The following ZNF610 variants were observed in gnomAD, a reference collection of about 807,000 sequenced individuals.
The protein encoded by ZNF610 is zink finger protein.
Under a neutral mutation model 14.1 loss-of-function variants are expected in ZNF610, and 14 were observed. The ratio of observed to expected loss-of-function variants is 0.99; its 90% confidence interval spans 0.65 to 1.55. The LOEUF is 1.55. ZNF610 is among the 40% of genes most tolerant of loss of function. The pLI, the probability that ZNF610 is intolerant of heterozygous loss-of-function variation, is 0.00. For missense variants in ZNF610, 530 were observed against 558.0 expected (o/e 0.95, Z 0.51); for synonymous variants, 185 against 187.6 (o/e 0.99, Z 0.11).
At chr19:52,345,510 G>A (rs910386715) in intron 1 of ZNF610, 15 of 151,864 alleles carry the variant, frequency 9.9e-5, no homozygotes, top group African/African-American at 3.6e-4. Context: ...CGAATAAGTG[G>A]TTGGAACTGA....
At chr19:52,350,932 G>A (rs971799485) in intron 3 of ZNF610, among the ~76,000 whole-genome samples, 4 of 152,032 alleles carry the variant, frequency 2.6e-5, no homozygotes, top group Non-Finnish European at 5.9e-5. Flanking sequence ...CCCGGGAGGT[G>A]GAGGCTGCAG....
chr19:52,342,148 G>A (rs1984716793), intron 1 of ZNF610, among the ~76,000 whole-genome samples: 1 of 152,104 alleles, frequency 6.6e-6, no homozygotes, highest in Admixed American at 6.6e-5. Context: ...TTGCTGTGTT[G>A]TCCAGACTGG....
chr19:52,331,054 C>T, the ZNF610 span, among the ~76,000 whole-genome samples: 5 of 152,184 alleles, frequency 3.3e-5, no homozygotes, highest in African/African-American at 4.8e-5. Flanking sequence ...CCCAACTCCA[C>T]AAATGCAGGC....
chr19:52,346,848 G>A (rs1984985294), intron 1 of ZNF610, among the ~76,000 whole-genome samples: 1 of 152,016 alleles, frequency 6.6e-6, no homozygotes, highest in Non-Finnish European at 1.5e-5. Flanking sequence ...TCCTGCCTCG[G>A]CCTCCTGAGT....
chr19:52,366,679 G>C lies in ZNF610; in HGVS notation c.1301G>C (p.Gly434Ala). 6.2e-7 allele frequency: 1 copy of C among 1,614,224 alleles called. No homozygotes were observed. The highest frequency in any genetic ancestry group is 1.7e-5 in the Admixed American group (1 of 60,030). ...GERPYKCNAC[G>A]KVFNQNPHLS... ...AGACCTTACAAGTGTAATGCATGTG[G>C]CAAGGTCTTCAATCAAAATCCACAC... The change falls in exon 6 of 6, where the codon GGC (glycine) becomes GCC (alanine). Residue 434 changes from glycine to alanine, a missense_variant. Coordinates refer to ENST00000403906, the MANE Select transcript of ZNF610 (RefSeq NM_001161425.2).
intron 1 of ZNF610, among the ~76,000 whole-genome samples, chr19:52,337,866 G>C (rs992808480): frequency 1.3e-5 from 2 of 152,314 alleles, no homozygotes; most frequent in African/African-American, 2.4e-5. Context: ...CACAATCCCT[G>C]TTCAGCCAGA....
intron 3 of ZNF610, among the ~76,000 whole-genome samples, chr19:52,351,346 C>T (rs1337291081): frequency 6.6e-6 from 1 of 152,046 alleles, no homozygotes; most frequent in East Asian, 1.9e-4. Flanking sequence ...ATCCCAGCTA[C>T]TTGGGAGGCT....
At chr19:52,332,920 C>G (rs1026226185), upstream of ZNF610, among the ~76,000 whole-genome samples, 1 of 152,168 alleles carries the variant, frequency 6.6e-6, no homozygotes, top group African/African-American at 2.4e-5. The surrounding 1 kb of genome is among the most constrained non-coding windows in gnomAD (Gnocchi z 4.1). Context: ...CCAATAAAAT[C>G]TTTAATGTTA....
chr19:52,332,979 A>G (rs140219840), upstream of ZNF610, among the ~76,000 whole-genome samples: 207 of 152,290 alleles, frequency 1.4e-3, 1 homozygote, highest in African/African-American at 4.7e-3. The surrounding 1 kb of genome is among the most constrained non-coding windows in gnomAD (Gnocchi z 4.1). Context: ...AGAAGAGCCT[A>G]AAAAGAGGAA....
intron 3 of ZNF610, among the ~76,000 whole-genome samples, chr19:52,350,220 T>C (rs1568649203): frequency 6.6e-6 from 1 of 152,214 alleles, no homozygotes; most frequent in Non-Finnish European, 1.5e-5. Flanking sequence ...AAATTATGTA[T>C]ATATTTGTTT....
At chr19:52,334,820 T>C (rs977698070), upstream of ZNF610, among the ~76,000 whole-genome samples, 8 of 151,652 alleles carry the variant, frequency 5.3e-5, no homozygotes, top group African/African-American at 1.9e-4. Context: ...CCCCAGCTAC[T>C]TGGGAGGCTG....
chr19:52,358,098 A>T (rs1162067137), intron 5 of ZNF610, among the ~76,000 whole-genome samples: 2 of 152,174 alleles, frequency 1.3e-5, no homozygotes, highest in Admixed American at 1.3e-4. Flanking sequence ...TGACTGGCTT[A>T]TTTCACTTAC....
intron 1 of ZNF610, among the ~76,000 whole-genome samples, chr19:52,340,263 A>T (rs550941116): frequency 2.0e-5 from 3 of 152,236 alleles, no homozygotes; most frequent in Admixed American, 6.5e-5. Flanking sequence ...TTGTGCCTGT[A>T]ATCCCAGCTA....
intron 2 of ZNF610, among the ~76,000 whole-genome samples, chr19:52,348,760 G>C (rs765574040): frequency 6.6e-6 from 1 of 152,132 alleles, no homozygotes; most frequent in African/African-American, 2.4e-5. Flanking sequence ...AGTGTGTTCT[G>C]TCTCTGGCGC....
At chr19:52,348,311 A>C (rs1286363122) in intron 2 of ZNF610, 1 of 152,194 alleles carries the variant, frequency 6.6e-6, no homozygotes, top group Non-Finnish European at 1.5e-5. Flanking sequence ...ATTATTTTTA[A>C]TGGATTAATG....
intron 1 of ZNF610, among the ~76,000 whole-genome samples, chr19:52,345,996 G>A (rs1414334610): frequency 6.7e-6 from 1 of 148,296 alleles, no homozygotes; most frequent in East Asian, 2.0e-4. Context: ...GAGCCACTGC[G>A]GCCAGCTTAT....
chr19:52,335,626 TGAAAACACTA>T (rs560636781), upstream of ZNF610, among the ~76,000 whole-genome samples: 23 of 152,104 alleles, frequency 1.5e-4, no homozygotes, highest in East Asian at 4.5e-3. Flanking sequence ...CAGAAGAACG[TGAAAACACTA>T]GACGGGCTTA....
intron 5 of ZNF610, 139 bp from the exon 6 acceptor site, chr19:52,365,559 A>G: frequency 2.6e-6 from 2 of 766,878 alleles, no homozygotes; most frequent in Non-Finnish European, 4.3e-6. Flanking sequence ...TTGTGTTTTC[A>G]GCTCTCACAA....
At chr19:52,330,477 C>A in the ZNF610 span, 2 of 152,138 alleles carry the variant, frequency 1.3e-5, no homozygotes, top group Admixed American at 6.6e-5. Context: ...TATTAGTTTA[C>A]CTTTAGCAAA....
Sources: allele counts gnomAD v4.1 joint callset (sites outside exome capture counted in the v4.1 genomes callset), GRCh38; gene constraint gnomAD v4.1.1; non-coding constraint Gnocchi (gnomAD v3.1); transcripts MANE v1.5; gene names NCBI Gene and HGNC (gene_info 2026-07-23, HGNC 2026-07-21).